The following RPS6KA6 variants were observed in gnomAD, a reference collection of about 807,000 sequenced individuals.
RPS6KA6 encodes ribosomal protein S6 kinase alpha-6.
In RPS6KA6, 27 loss-of-function variants were observed where a neutral mutation model predicts 65.4. That is an observed-to-expected ratio of 0.41 (90% CI 0.30 to 0.57). RPS6KA6 has a LOEUF of 0.57. Among genes scored for constraint, RPS6KA6 ranks in the 20% least tolerant of loss-of-function variants. The probability of loss-of-function intolerance (pLI) is 0.24; values close to 1 mark genes in which losing one functional copy is unlikely to be tolerated. For missense variants in RPS6KA6, 486 were observed against 555.6 expected (o/e 0.87, Z 1.26); for synonymous variants, 190 against 184.2 (o/e 1.03, Z -0.26).
At chrX:84,184,520 G>A (rs909511614) in intron 1 of RPS6KA6, among the ~76,000 whole-genome samples, 11 of 111,741 alleles carry the variant, frequency 9.8e-5, no homozygotes, top group African/African-American at 3.6e-4. Context: ...AGAGAGGTTA[G>A]GTAACGTGGA....
At chrX:84,186,417 T>G (rs2035928373) in intron 1 of RPS6KA6, among the ~76,000 whole-genome samples, 1 of 112,026 alleles carries the variant, frequency 8.9e-6, no homozygotes, top group African/African-American at 3.2e-5. Flanking sequence ...ACAGTTAGCA[T>G]TCCCACATTT....
intron 20 of RPS6KA6, among the ~76,000 whole-genome samples, chrX:84,082,517 GTGCC>G (rs1392527531): frequency 3.6e-5 from 4 of 111,876 alleles, no homozygotes; most frequent in African/African-American, 9.8e-5. Flanking sequence ...AATGGCCATA[GTGCC>G]CAAAGTAATT....
chrX:84,171,947 C>T (rs767401787), intron 1 of RPS6KA6, among the ~76,000 whole-genome samples: 1 of 110,963 alleles, frequency 9.0e-6, no homozygotes, highest in South Asian at 3.9e-4. Flanking sequence ...GTTTTCTGTC[C>T]CTGTGTTAGT....
In RPS6KA6 at chrX:84,187,860, C is replaced by A. The variant is rs150753598; in HGVS notation, c.40G>T (p.Glu14Ter). 3.3e-6 allele frequency: 4 copies of A among 1,202,546 alleles called. No homozygotes were observed. The highest frequency in any genetic ancestry group is 4.5e-6 in the Non-Finnish European group (4 of 891,683). ...CCGCCGCCGCTGAACACTTCCATTT[C>A]TCGGTCCCAGGGCTCGTCCTGAGGA... Reference protein sequence around the residue: ...FAPQDEPWDREMEVFSGGGAS... With the variant: ...FAPQDEPWDR Residue 14 changes from glutamate to a stop codon, truncating the protein, a stop_gained, in exon 1 of 22, where the codon GAA becomes TAA. Coordinates refer to ENST00000262752, the MANE Select transcript of RPS6KA6 (RefSeq NM_014496.5). LOFTEE classifies it high-confidence loss of function.
chrX:84,100,811 C>A (rs1419304296), intron 18 of RPS6KA6, among the ~76,000 whole-genome samples: 1 of 110,689 alleles, frequency 9.0e-6, no homozygotes, highest in African/African-American at 3.3e-5. Context: ...TAGATTAAAT[C>A]ACATTCTCCG....
chrX:84,104,621 C>T lies in RPS6KA6; in HGVS notation c.1492G>A (p.Asp498Asn). Residue 498 changes from aspartate (D) to asparagine (N), a missense_variant, in exon 17 of 22, where the codon GAT becomes AAT. Transcript: ENST00000262752. The stretch of plus-strand genomic sequence containing the variant: ...AGTAACTCTCCTCCTTTCATTAAAT[C>T]CGTAACAAGGTAAACATATCTACCA... The part of the protein sequence containing the change: ...DDGRYVYLVT[D>N]LMKGGELLDR... The T allele has an allele frequency of 8.5e-7, 1 of 1,176,030 alleles. No homozygotes were observed. Among genetic ancestry groups the T allele is most frequent in the African/African-American group, 1.8e-5 (1 of 56,745 alleles).
At chrX:84,163,608 C>T (rs2035550275) in intron 2 of RPS6KA6, among the ~76,000 whole-genome samples, 1 of 95,127 alleles carries the variant, frequency 1.1e-5, no homozygotes, top group East Asian at 3.5e-4. Flanking sequence ...CACTGCAGTC[C>T]GCAGTCCGGC....
chrX:84,180,449 G>T (rs2035833210), intron 1 of RPS6KA6, among the ~76,000 whole-genome samples: 1 of 110,844 alleles, frequency 9.0e-6, no homozygotes, highest in African/African-American at 3.3e-5. Context: ...GTATTTGTGT[G>T]GCTCTATTTC....
chrX:84,162,258 CAT>C (rs981177829), intron 2 of RPS6KA6, among the ~76,000 whole-genome samples: 2 of 110,188 alleles, frequency 1.8e-5, no homozygotes, highest in African/African-American at 6.6e-5. Context: ...CAAAAAAACA[CAT>C]GACAATCACA....
At chrX:84,067,439 T>C (rs1455123836) in intron 20 of RPS6KA6, among the ~76,000 whole-genome samples, 1 of 111,498 alleles carries the variant, frequency 9.0e-6, no homozygotes, top group East Asian at 2.8e-4. Context: ...ATAAATGACC[T>C]GATGGAGCTG....
chrX:84,076,325 A>C (rs1421970203), intron 20 of RPS6KA6, among the ~76,000 whole-genome samples: 2 of 111,639 alleles, frequency 1.8e-5, no homozygotes, highest in Non-Finnish European at 3.8e-5. Context: ...CCACTATTAC[A>C]CCAATATCAA....
chrX:84,118,076 TG>T (rs1381903552), intron 9 of RPS6KA6, among the ~76,000 whole-genome samples: 1 of 111,836 alleles, frequency 8.9e-6, no homozygotes, highest in Non-Finnish European at 1.9e-5. Flanking sequence ...CATTAAATAA[TG>T]GTATAAAAAA....
At chrX:84,150,200 T>C (rs1303602523) in intron 3 of RPS6KA6, among the ~76,000 whole-genome samples, 1 of 112,152 alleles carries the variant, frequency 8.9e-6, no homozygotes, top group African/African-American at 3.2e-5. Context: ...GATTAGGCTT[T>C]GGCTAGAGGG....
At chrX:84,083,662 A>G (rs2033853920) in intron 20 of RPS6KA6, among the ~76,000 whole-genome samples, 1 of 112,262 alleles carries the variant, frequency 8.9e-6, no homozygotes, top group Non-Finnish European at 1.9e-5. Context: ...TGCTATTATA[A>G]ATAGTGCTGC....
At chrX:84,089,433 C>A (rs773124293) in intron 20 of RPS6KA6, among the ~76,000 whole-genome samples, 2 of 111,709 alleles carry the variant, frequency 1.8e-5, no homozygotes, top group South Asian at 7.6e-4. Flanking sequence ...GGATTCAGGT[C>A]CCTTCCTAGG....
Position 84,153,811 on chromosome X carries a change from A to G in RPS6KA6, c.258+2264T>C, listed in dbSNP as rs1387003913. ...CAAGTATGTTCATATCCTAGGGGGAAAAAAAAGCCACCTCCTTAATATTTC... is the reference window on the plus strand; with the variant it reads ...CAAGTATGTTCATATCCTAGGGGGAGAAAAAAGCCACCTCCTTAATATTTC... On this transcript the variant is annotated intron_variant, in intron 3 of 21. Coordinates refer to ENST00000262752, the MANE Select transcript of RPS6KA6 (RefSeq NM_014496.5). 2.7e-5 allele frequency among the ~76,000 whole-genome samples: 3 copies of G among 111,013 alleles called. 1 individual carries two copies. The East Asian group carries it at 8.5e-4, about 32-fold the overall frequency.
chrX:84,095,792 T>C (rs2034144742), intron 20 of RPS6KA6, among the ~76,000 whole-genome samples: 1 of 111,947 alleles, frequency 8.9e-6, no homozygotes, highest in African/African-American at 3.2e-5. Flanking sequence ...AGTCCATTCA[T>C]TCTCTAAGAA....
chrX:84,170,753 C>A (rs1233474372), intron 1 of RPS6KA6, among the ~76,000 whole-genome samples: 1 of 111,514 alleles, frequency 9.0e-6, no homozygotes, highest in Non-Finnish European at 1.9e-5. Flanking sequence ...CTAAGATAGG[C>A]CCCCATGATC....
intron 20 of RPS6KA6, among the ~76,000 whole-genome samples, chrX:84,085,049 T>G (rs1256718871): frequency 8.9e-6 from 1 of 112,001 alleles, no homozygotes; most frequent in Non-Finnish European, 1.9e-5. Flanking sequence ...CTTTGCAAAT[T>G]GATTTTGTAT....
Sources: gnomAD v4.1 joint callset for allele counts (sites outside exome capture counted in the v4.1 genomes callset) on GRCh38, gnomAD v4.1.1 for gene constraint, MANE v1.5 for transcripts, NCBI Gene and HGNC (gene_info 2026-07-23, HGNC 2026-07-21) for gene names.